The following AK9 variants were observed in gnomAD, a reference collection of about 807,000 sequenced individuals.
AK9 encodes the protein adenylate kinase domain containing 1.
Under a neutral mutation model 239.6 loss-of-function variants are expected in AK9, and 191 were observed. That is an observed-to-expected ratio of 0.80 (90% confidence interval 0.71 to 0.90). The LOEUF (loss-of-function observed/expected upper bound fraction) is 0.90, where lower values mean the gene tolerates loss of function less well. Ranked by LOEUF, AK9 falls within the 40% of genes least tolerant of loss-of-function variation. The pLI is 0.00. For synonymous variants in AK9, 689 were observed against 721.0 expected, an observed-to-expected ratio of 0.96 and a Z score of 0.71; for missense variants, 1,995 against 2,214.7, an observed-to-expected ratio of 0.90 and a Z score of 1.99.
intron 8 of AK9, among the ~76,000 whole-genome samples, chr6:109,653,529 C>T (rs1799267808): frequency 6.6e-6 from 1 of 152,100 alleles, no homozygotes; most frequent in Non-Finnish European, 1.5e-5. Flanking sequence ...AAGTTTTTAA[C>T]CCTTATCTGG....
chr6:109,570,305 A>G (rs1787243442), intron 21 of AK9, among the ~76,000 whole-genome samples: 1 of 152,102 alleles, frequency 6.6e-6, no homozygotes, highest in Admixed American at 6.6e-5. Flanking sequence ...GGGGAGGGAT[A>G]GCATTAGGAG....
intron 24 of AK9, 131 bp downstream of exon 24, chr6:109,563,466 G>T: frequency 7.4e-7 from 1 of 1,349,242 alleles, no homozygotes; most frequent in Non-Finnish European, 9.6e-7. Flanking sequence ...GTGAAGCTGA[G>T]GCAGAGGGAG....
intron 24 of AK9, among the ~76,000 whole-genome samples, chr6:109,555,195 G>A (rs1784847796): frequency 6.6e-6 from 1 of 152,160 alleles, no homozygotes; most frequent in Non-Finnish European, 1.5e-5. Flanking sequence ...GTGTCCCAGA[G>A]ATTCTTGTAC....
At chr6:109,636,388 T>C (rs1405060185) in intron 10 of AK9, among the ~76,000 whole-genome samples, 2 of 152,232 alleles carry the variant, frequency 1.3e-5, no homozygotes, top group African/African-American at 4.8e-5. Flanking sequence ...TTTTTGTTTT[T>C]TTAATTGTGG....
intron 25 of AK9, 22 bp from the exon 26 acceptor site, chr6:109,546,149 G>A (rs753540698): frequency 1.1e-5 from 17 of 1,521,646 alleles, no homozygotes; most frequent in Non-Finnish European, 1.2e-5. Context: ...GGTGGGTCAG[G>A]GAGGGGTGGG....
At chr6:109,561,923 T>C (rs1300350796) in intron 24 of AK9, among the ~76,000 whole-genome samples, 2 of 152,146 alleles carry the variant, frequency 1.3e-5, no homozygotes. Flanking sequence ...CCCTCACACA[T>C]ACTTTTTGTA....
At chr6:109,631,618 T>C (rs1796095287) in intron 12 of AK9, 1 of 152,270 alleles carries the variant, frequency 6.6e-6, no homozygotes, top group African/African-American at 2.4e-5. Context: ...GAAAACAATT[T>C]GGCATTATCT....
intron 5 of AK9, among the ~76,000 whole-genome samples, chr6:109,669,840 G>T (rs552576751): frequency 6.6e-6 from 1 of 152,258 alleles, no homozygotes; most frequent in Admixed American, 6.5e-5. Context: ...GTTAAGGGGT[G>T]GCTGGGCAGA....
intron 6 of AK9, 132 bp from the exon 7 acceptor site, chr6:109,659,545 G>T: frequency 8.5e-7 from 1 of 1,177,642 alleles, no homozygotes. Context: ...GCAATATTGT[G>T]ACTGGCATTT....
In AK9 at chr6:109,573,505, G is replaced by C. The variant is rs1787688530; in HGVS notation, c.2281C>G (p.Arg761Gly). 6.4e-7 allele frequency: 1 copy of C among 1,551,236 alleles called. No individual in the cohort carries two copies. ...AACTCCTCAGGTAACCATGACCCTC[G>C]GGTATCGTGAGATGCCTCAGGCTCT... ...HEEPEASHDT[R>G]GSWLPEEFEA... Residue 761 changes from arginine to glycine, a missense_variant, in exon 21 of 41, where the codon CGA becomes GGA. This residue lies in a region of AK9 where 1,290 missense variants were observed against 1,392.7 expected (regional missense o/e 0.93). Transcript: ENST00000424296.
chr6:109,685,384 G>A (rs1213764310), intron 1 of AK9, among the ~76,000 whole-genome samples: 1 of 152,108 alleles, frequency 6.6e-6, no homozygotes, highest in Non-Finnish European at 1.5e-5. Context: ...ATACACCATG[G>A]AATACTATGC....
At chr6:109,606,109 T>C (rs1290829439) in intron 17 of AK9, among the ~76,000 whole-genome samples, 4 of 152,118 alleles carry the variant, frequency 2.6e-5, no homozygotes, top group Admixed American at 2.0e-4. Context: ...ACAAAAATGG[T>C]ATAACATTTT....
chr6:109,561,707 G>T (rs565921200), intron 24 of AK9, among the ~76,000 whole-genome samples: 1 of 152,006 alleles, frequency 6.6e-6, no homozygotes, highest in Admixed American at 6.6e-5. Flanking sequence ...CCTTATCTTT[G>T]TTCCTGTGTA....
At position 109,516,545 on chromosome 6, in the gene AK9, T is replaced by A. The variant is rs1347461932; in HGVS notation, c.3731A>T (p.Glu1244Val). Residue 1244 changes from glutamate (E) to valine (V), a missense_variant, in exon 30 of 41, where the codon GAG (glutamate) becomes GTG (valine). Glu to Val is a moderately radical substitution (Grantham distance 121, BLOSUM62 -2). Coordinates refer to ENST00000424296, the MANE Select transcript of AK9 (RefSeq NM_001145128.3). ...ATCTTCCTCGCCACTCATCTCTTCC[T>A]CATCTTTTGGAAACTCATCTTCAAG... ...NILEDEFPKDEEEMSGEEDEE... is the reference protein window; with the variant it reads ...NILEDEFPKDVEEMSGEEDEE... 1.3e-6 allele frequency: 2 copies of A among 1,551,654 alleles called. No homozygotes were observed. The highest frequency in any genetic ancestry group is 1.7e-6 in the Non-Finnish European group (2 of 1,146,996).
chr6:109,543,960 A>G (rs950198688), intron 26 of AK9, among the ~76,000 whole-genome samples: 2 of 151,882 alleles, frequency 1.3e-5, no homozygotes, highest in Non-Finnish European at 2.9e-5. Context: ...CTATACAAAA[A>G]ATACAAAAAT....
chr6:109,592,647 C>T (rs1790432559), intron 17 of AK9, among the ~76,000 whole-genome samples: 1 of 151,948 alleles, frequency 6.6e-6, no homozygotes, highest in Admixed American at 6.6e-5. Context: ...GGGGTTTCAC[C>T]ATGTTAGCCA....
At chr6:109,560,896 C>T (rs1785670102) in intron 24 of AK9, among the ~76,000 whole-genome samples, 1 of 152,296 alleles carries the variant, frequency 6.6e-6, no homozygotes, top group East Asian at 1.9e-4. Flanking sequence ...CCACCTGTGT[C>T]TGGCTGCTTT....
chr6:109,622,640 TATA>T (rs1480947764), intron 12 of AK9, among the ~76,000 whole-genome samples: 1 of 147,414 alleles, frequency 6.8e-6, no homozygotes, highest in Non-Finnish European at 1.5e-5. Flanking sequence ...GTATATAATA[TATA>T]ATGTGTATTA....
intron 12 of AK9, among the ~76,000 whole-genome samples, chr6:109,626,969 A>G (rs958086775): frequency 1.3e-5 from 2 of 152,122 alleles, no homozygotes; most frequent in African/African-American, 4.8e-5. Flanking sequence ...TAATAAATTA[A>G]CCTTGTCTTA....
Sources: gnomAD v4.1 joint callset for allele counts (sites outside exome capture counted in the v4.1 genomes callset) on GRCh38, gnomAD v4.1.1 for gene constraint, gnomAD v4.1.1 regional missense constraint, MANE v1.5 for transcripts, NCBI Gene and HGNC (gene_info 2026-07-23, HGNC 2026-07-21) for gene names.